EPB41L4A: variants seen among roughly 807,000 people sequenced by gnomAD.
EPB41L4A encodes erythrocyte membrane protein band 4.1 like 4A, also known as band 4.1-like protein 4A.
Under a neutral mutation model 108.6 loss-of-function variants are expected in EPB41L4A, and 100 were observed. The observed-to-expected ratio is 0.92, with a 90% CI of 0.78 to 1.09. The LOEUF (loss-of-function observed/expected upper bound fraction) is 1.09. EPB41L4A is among the 50% of genes least tolerant of loss of function. The pLI, the probability that EPB41L4A is intolerant of heterozygous loss-of-function variation, is 0.00. For synonymous variants in EPB41L4A, 319 were observed against 289.0 expected, an observed-to-expected ratio of 1.10 and a Z score of -1.05; for missense variants, 1,030 against 842.7, an observed-to-expected ratio of 1.22 and a Z score of -2.75.
chr5:112,212,662 T>C (rs1747278648), intron 12 of EPB41L4A, among the ~76,000 whole-genome samples: 1 of 152,182 alleles, frequency 6.6e-6, no homozygotes, highest in Non-Finnish European at 1.5e-5. Context: ...TCTTAGCAGA[T>C]ATTACTAATA....
At chr5:112,321,254 G>A (rs1755758590) in intron 1 of EPB41L4A, among the ~76,000 whole-genome samples, 1 of 152,188 alleles carries the variant, frequency 6.6e-6, no homozygotes, top group South Asian at 2.1e-4. Flanking sequence ...GGGTAGAAGT[G>A]AAAAGGCCAC....
At chr5:112,225,306 T>TA (rs1292975253) in intron 12 of EPB41L4A, among the ~76,000 whole-genome samples, 9 of 152,202 alleles carry the variant, frequency 5.9e-5, no homozygotes, top group African/African-American at 2.2e-4. Context: ...ATCCTGGACT[T>TA]ATGCCCCTCT....
Position 112,170,982 on chromosome 5 carries a change from C to A in EPB41L4A, c.1633G>T (p.Asp545Tyr). The part of the protein sequence containing the change: ...SRHRSRSRSP[D>Y]IQAKEELWKH... ...CATAACTCTTCTTTTGCTTGGATAT[C>A]GGGGCTTCTCCTATAAATAGAGAAA... is the stretch of plus-strand genomic sequence containing the variant. Residue 545 changes from aspartate (D) to tyrosine (Y), a missense_variant, in exon 19 of 23, where the codon GAT becomes TAT. Physicochemically the swap from Asp to Tyr is radical, Grantham distance 160. Coordinates refer to ENST00000261486, the MANE Select transcript of EPB41L4A (RefSeq NM_022140.5). 6.2e-7 allele frequency: 1 copy of A among 1,613,494 alleles called. No individual in the cohort carries two copies. Among genetic ancestry groups the A allele is most frequent in the Non-Finnish European group, 8.5e-7 (1 of 1,179,486 alleles).
intron 12 of EPB41L4A, 78 bp from the exon 13 acceptor site, chr5:112,210,060 T>A: frequency 1.2e-6 from 1 of 869,308 alleles, no homozygotes; most frequent in Non-Finnish European, 1.8e-6. Flanking sequence ...AGACTTATTT[T>A]AAAATGCAAT....
chr5:112,409,979 C>T (rs1762316315), intron 1 of EPB41L4A, among the ~76,000 whole-genome samples: 2 of 152,110 alleles, frequency 1.3e-5, no homozygotes, highest in Non-Finnish European at 2.9e-5. Flanking sequence ...TCAAGGTGAG[C>T]AGGAAAGTAC....
chr5:112,186,625 G>C (rs1221151300), intron 17 of EPB41L4A, among the ~76,000 whole-genome samples: 3 of 152,170 alleles, frequency 2.0e-5, no homozygotes, highest in Non-Finnish European at 2.9e-5. Flanking sequence ...ATTCTAACAA[G>C]ATGCATTAAA....
At chr5:112,273,143 T>C in intron 4 of EPB41L4A, among the ~76,000 whole-genome samples, 1 of 152,182 alleles carries the variant, frequency 6.6e-6, no homozygotes. Flanking sequence ...TTCATGCAAA[T>C]CAATAATAAA....
chr5:112,271,246 G>C (rs1165121696), intron 4 of EPB41L4A, among the ~76,000 whole-genome samples: 2 of 152,198 alleles, frequency 1.3e-5, no homozygotes, highest in African/African-American at 4.8e-5. Flanking sequence ...TATGATTACT[G>C]GATTGACTTA....
chr5:112,242,878 T>C (rs1490594909), intron 9 of EPB41L4A, among the ~76,000 whole-genome samples: 2 of 151,958 alleles, frequency 1.3e-5, no homozygotes, highest in African/African-American at 4.8e-5. Context: ...AAAGGAATCC[T>C]TTTTTTTCTG....
intron 1 of EPB41L4A, among the ~76,000 whole-genome samples, chr5:112,417,896 T>C (rs1762803164): frequency 6.6e-6 from 1 of 152,220 alleles, no homozygotes; most frequent in Non-Finnish European, 1.5e-5. Flanking sequence ...ATAGTTATCC[T>C]AGTGTGCATA....
rs189338244 is a variant in EPB41L4A at position 112,225,573 on chromosome 5, T to C, written c.1087+9061A>G. On this transcript the variant is annotated intron_variant, in intron 12 of 22. Transcript: ENST00000261486. ...AAAAATTCAAATGAAAATAAATCTC[T>C]CTCCCACTGCCAATCCCCATTCTCT... Among the ~76,000 whole-genome samples the C allele has an allele frequency of 4.1e-4, 63 of 152,234 alleles. No individual in the cohort carries two copies. In the East Asian group the frequency reaches 0.01, roughly 25 times the overall value.
intron 18 of EPB41L4A, among the ~76,000 whole-genome samples, chr5:112,183,792 T>C (rs942777142): frequency 6.6e-6 from 1 of 152,224 alleles, no homozygotes; most frequent in Non-Finnish European, 1.5e-5. Context: ...AAAACAAAAA[T>C]ATGGCTTTGA....
chr5:112,252,684 C>T (rs1240381232), intron 9 of EPB41L4A, among the ~76,000 whole-genome samples: 1 of 152,006 alleles, frequency 6.6e-6, no homozygotes, highest in Admixed American at 6.6e-5. Flanking sequence ...ACAACAGACA[C>T]TGGGGACTAC....
chr5:112,154,210 G>A (rs537190124), intron 12 of EPB41L4A, among the ~76,000 whole-genome samples: 1 of 152,174 alleles, frequency 6.6e-6, no homozygotes, highest in Non-Finnish European at 1.5e-5. Context: ...GCATTAGAGA[G>A]CATTCACAAC....
At chr5:112,223,591 G>C (rs1748235854) in intron 12 of EPB41L4A, among the ~76,000 whole-genome samples, 1 of 152,020 alleles carries the variant, frequency 6.6e-6, no homozygotes, top group Non-Finnish European at 1.5e-5. Context: ...AAAAAAACAG[G>C]TAAATTTGCC....
intron 16 of EPB41L4A, 55 bp from the exon 17 acceptor site, chr5:112,194,700 C>A: frequency 7.8e-7 from 1 of 1,282,850 alleles, no homozygotes; most frequent in African/African-American, 1.5e-5. Flanking sequence ...AACTCACGAA[C>A]AATTTCAGAA....
intron 12 of EPB41L4A, among the ~76,000 whole-genome samples, chr5:112,225,539 G>A (rs533124126): frequency 6.6e-6 from 1 of 152,324 alleles, no homozygotes; most frequent in South Asian, 2.1e-4. Flanking sequence ...CTTTTGAAAA[G>A]TGCTTGGTAA....
At chr5:112,378,616 T>C (rs1759969326) in intron 1 of EPB41L4A, among the ~76,000 whole-genome samples, 1 of 152,110 alleles carries the variant, frequency 6.6e-6, no homozygotes, top group African/African-American at 2.4e-5. Flanking sequence ...GTAGATCCAC[T>C]GGGGTGGAGG....
rs1230451034 is a variant in EPB41L4A at position 112,163,110 on chromosome 5, A to G, written c.*1880T>C. 1 of 152,208 alleles carries G rather than the reference A, an allele frequency of 6.6e-6. No individual in the cohort carries two copies. Among genetic ancestry groups the G allele is most frequent in the African/African-American group, 2.4e-5 (1 of 41,444 alleles). 9.4% of individuals were successfully genotyped at this position (152,208 alleles called of 1,614,324 possible). A position where few individuals can be genotyped will look rare whatever the true frequency, so the allele number is the denominator to read the frequency against. ...TGGTGGAAAATCAGATTTGCAAGAA[A>G]AGGTAGTTGAACTAGGTTGCTTATT... On this transcript the variant is annotated 3_prime_UTR_variant, in exon 23 of 23. Transcript: ENST00000261486.
Sources: gnomAD v4.1 joint callset for allele counts (sites outside exome capture counted in the v4.1 genomes callset) on GRCh38, gnomAD v4.1.1 for gene constraint, MANE v1.5 for transcripts, NCBI Gene and HGNC (gene_info 2026-07-23, HGNC 2026-07-21) for gene names.